The following RNF169 variants were observed in gnomAD, a reference collection of about 807,000 sequenced individuals.
The protein encoded by RNF169 is E3 ubiquitin-protein ligase RNF169.
In RNF169, 24 loss-of-function variants were observed where a neutral mutation model predicts 53.9. The ratio of observed to expected loss-of-function variants is 0.45; its 90% confidence interval spans 0.32 to 0.63. RNF169 has a LOEUF of 0.63. RNF169 is among the 20% of genes least tolerant of loss of function. The pLI, the probability that RNF169 is intolerant of heterozygous loss-of-function variation, is 0.04. For missense variants in RNF169, 883 were observed against 906.2 expected, an observed-to-expected ratio of 0.97 and a Z score of 0.33; for synonymous variants, 396 against 363.5, an observed-to-expected ratio of 1.09 and a Z score of -1.02.
intron 1 of RNF169, among the ~76,000 whole-genome samples, chr11:74,767,068 G>A (rs1196221064): frequency 1.3e-5 from 2 of 152,016 alleles, no homozygotes; most frequent in African/African-American, 4.8e-5. Context: ...CTTAACTTCT[G>A]ACCTCAAGCA....
At chr11:74,827,431 C>T (rs1327725255) in intron 4 of RNF169, among the ~76,000 whole-genome samples, 1 of 152,216 alleles carries the variant, frequency 6.6e-6, no homozygotes, top group African/African-American at 2.4e-5. Context: ...GACATTTTCC[C>T]CATTGTCTTG....
chr11:74,825,970 T>C (rs2036090214), intron 4 of RNF169, among the ~76,000 whole-genome samples: 1 of 152,118 alleles, frequency 6.6e-6, no homozygotes, highest in Non-Finnish European at 1.5e-5. Context: ...GCAGGCACCT[T>C]CTTCACAAGG....
chr11:74,761,799 G>A lies in RNF169; in HGVS notation c.502+12417G>A, dbSNP rs1245631565. 1.1e-3 allele frequency among the ~76,000 whole-genome samples: 167 copies of A among 146,426 alleles called. No homozygotes were observed. In the East Asian group the frequency reaches 0.018, roughly 16 times the overall value. On this transcript the variant is annotated intron_variant, in intron 1 of 5. Coordinates refer to ENST00000299563, the MANE Select transcript of RNF169 (RefSeq NM_001098638.2). ...TATGTGTCTTGGAGTTGCTCTTCTC[G>A]AGGAGTATCTTTGTGGCGTTCTCTG... is the stretch of plus-strand genomic sequence containing the variant.
At chr11:74,799,993 T>G (rs1358116880) in intron 2 of RNF169, among the ~76,000 whole-genome samples, 1 of 150,694 alleles carries the variant, frequency 6.6e-6, no homozygotes, top group Non-Finnish European at 1.5e-5. Flanking sequence ...GTTTTCCATA[T>G]TAATATAGAT....
chr11:74,785,249 TGTTAG>T (rs1431436670), intron 1 of RNF169, among the ~76,000 whole-genome samples: 16 of 82,672 alleles, frequency 1.9e-4, no homozygotes, highest in Admixed American at 4.8e-4. Context: ...ATGTTATATA[TGTTAG>T]ATATATATGT....
chr11:74,795,330 C>T (rs868529286), intron 2 of RNF169, among the ~76,000 whole-genome samples: 10 of 151,696 alleles, frequency 6.6e-5, no homozygotes, highest in African/African-American at 1.9e-4. Context: ...AGTGATCCTC[C>T]CACCTTAGCC....
chr11:74,803,438 G>T (rs999920823), intron 2 of RNF169, among the ~76,000 whole-genome samples: 5 of 152,018 alleles, frequency 3.3e-5, no homozygotes, highest in Non-Finnish European at 7.4e-5. Context: ...ATATGTTCTG[G>T]GTGTTATGAA....
rs1394772179 is a variant in RNF169 at position 74,833,407 on chromosome 11, CTA to C, written c.843-1267_843-1266del. 2.6e-5 allele frequency among the ~76,000 whole-genome samples: 4 copies of C among 152,344 alleles called. No individual in the cohort carries two copies. In the East Asian group the frequency reaches 5.8e-4, roughly 22 times the overall value. ...TTTCTGTTTGAGATCATCTGCATAA[CTA>C]TGTGTCCACCTTGACTTACGGCATA... On this transcript the variant is annotated intron_variant, in intron 4 of 5. Transcript: ENST00000299563.
At chr11:74,802,990 G>A (rs2035754621) in intron 2 of RNF169, among the ~76,000 whole-genome samples, 2 of 151,766 alleles carry the variant, frequency 1.3e-5, no homozygotes, top group African/African-American at 2.4e-5. Flanking sequence ...GGGCAATCTC[G>A]GCTCACCGCA....
In RNF169 at chr11:74,757,267, G is replaced by A. The variant is rs1025513406; in HGVS notation, c.502+7885G>A. 6.6e-5 allele frequency among the ~76,000 whole-genome samples: 8 copies of A among 121,938 alleles called. No homozygotes were observed. The South Asian group carries it at 1.9e-3, about 30-fold the overall frequency. 80.0% of individuals were successfully genotyped at this position (121,938 alleles called of 152,430 possible). A position where few individuals can be genotyped will look rare whatever the true frequency, so the allele number is the denominator to read the frequency against. On this transcript the variant is annotated intron_variant, in intron 1 of 5. Transcript: ENST00000299563. ...GCGGTGTTTGGTTTTTTGTTCTTGC[G>A]ATAGTTTACTGAGAATGATGGTTTC...
chr11:74,801,328 T>A (rs775599713), intron 2 of RNF169, among the ~76,000 whole-genome samples: 1 of 152,178 alleles, frequency 6.6e-6, no homozygotes, highest in Non-Finnish European at 1.5e-5. Flanking sequence ...AAATACATTG[T>A]TTTTGTGGAC....
chr11:74,761,747 C>T (rs944963084), intron 1 of RNF169, among the ~76,000 whole-genome samples: 1 of 151,608 alleles, frequency 6.6e-6, no homozygotes, highest in Non-Finnish European at 1.5e-5. Context: ...TTTTTTCCTT[C>T]ATTTCAACTT....
rs778794191 is a variant in RNF169 at position 74,764,402 on chromosome 11, G to A, written c.502+15020G>A. Reference sequence around the variant, plus strand: ...CAAAAAATTAGCCGGGTGTGGTGGCGCATGCCTGTAATCATTGGGAGTCTG... The same window carrying A: ...CAAAAAATTAGCCGGGTGTGGTGGCACATGCCTGTAATCATTGGGAGTCTG... On this transcript the variant is annotated intron_variant, in intron 1 of 5. Transcript: ENST00000299563. Among the ~76,000 whole-genome samples, 5 of 152,124 alleles carry A rather than the reference G, an allele frequency of 3.3e-5. No homozygotes were observed. In the East Asian group the frequency reaches 5.8e-4, roughly 18 times the overall value.
intron 1 of RNF169, among the ~76,000 whole-genome samples, chr11:74,752,701 T>C (rs1391038259): frequency 6.6e-6 from 1 of 152,308 alleles, no homozygotes; most frequent in Non-Finnish European, 1.5e-5. Flanking sequence ...CAAAAGGTTG[T>C]ACATTATACA....
Position 74,836,678 on chromosome 11 carries a change from G to A in RNF169, c.2075G>A (p.Gly692Glu), listed in dbSNP as rs778617365. Residue 692 changes from glycine (G) to glutamate (E), a missense_variant, in exon 6 of 6, where the codon GGA (glycine) becomes GAA (glutamate). Gly to Glu is a moderately conservative substitution (Grantham distance 98, BLOSUM62 -2). Transcript: ENST00000299563. ...AGGCGGACTGTGAGCCGGCGAAAAG[G>A]AAGTGTGGATCAGTATCTCCTACGG... ...NERRTVSRRK[G>E]SVDQYLLRSS... 52 of 1,613,474 alleles carry A rather than the reference G, an allele frequency of 3.2e-5. No individual in the cohort carries two copies. Among genetic ancestry groups the A allele is most frequent in the Admixed American group, 3.2e-4 (19 of 60,032 alleles).
chr11:74,764,212 T>A (rs866668852), intron 1 of RNF169, among the ~76,000 whole-genome samples: 1 of 152,214 alleles, frequency 6.6e-6, no homozygotes, highest in Non-Finnish European at 1.5e-5. Context: ...TTGAGAGAGA[T>A]CTGAATTTCA....
intron 4 of RNF169, among the ~76,000 whole-genome samples, chr11:74,821,393 T>C (rs1255741898): frequency 1.5e-5 from 1 of 68,930 alleles, no homozygotes; most frequent in Non-Finnish European, 2.4e-5. Context: ...GCGCGGTGGC[T>C]CACGCCTGTA....
intron 1 of RNF169, among the ~76,000 whole-genome samples, chr11:74,764,002 G>T (rs959913770): frequency 2.0e-5 from 3 of 152,144 alleles, no homozygotes; most frequent in African/African-American, 2.4e-5. Flanking sequence ...GTGAGCCACT[G>T]CACCTGGTAC....
chr11:74,805,287 G>T (rs950602315), intron 2 of RNF169, among the ~76,000 whole-genome samples: 1 of 152,148 alleles, frequency 6.6e-6, no homozygotes, highest in East Asian at 1.9e-4. Flanking sequence ...TTGACACAAA[G>T]AAATACATCC....
Sources: gnomAD v4.1 joint callset for allele counts (sites outside exome capture counted in the v4.1 genomes callset) on GRCh38, gnomAD v4.1.1 for gene constraint, MANE v1.5 for transcripts, NCBI Gene and HGNC (gene_info 2026-07-23, HGNC 2026-07-21) for gene names.